ME3: variants seen among roughly 807,000 people sequenced by gnomAD.
ME3 encodes malic enzyme 3.
In ME3, 48 loss-of-function variants were observed where a neutral mutation model predicts 68.9. That is an observed-to-expected ratio of 0.70 (90% confidence interval 0.55 to 0.89). The LOEUF (loss-of-function observed/expected upper bound fraction) is 0.89. Among genes scored for constraint, ME3 ranks in the 40% least tolerant of loss-of-function variants. The probability of loss-of-function intolerance (pLI) is 0.00; values close to 1 mark genes in which losing one functional copy is unlikely to be tolerated. For missense variants in ME3, 675 were observed against 797.4 expected, an observed-to-expected ratio of 0.85 and a Z score of 1.85; for synonymous variants, 320 against 318.8, an observed-to-expected ratio of 1.00 and a Z score of -0.04.
Position 86,615,814 on chromosome 11 carries a change from C to G in ME3, c.183+55948G>C, listed in dbSNP as rs147515477. 6.4e-3 allele frequency among the ~76,000 whole-genome samples: 979 copies of G among 152,228 alleles called. 10 individuals are homozygous for G. Among genetic ancestry groups the G allele is most frequent in the Middle Eastern group, 0.031 (9 of 294 alleles). ...TGAAACCTAAGTCATGGCTCTTGCT[C>G]TCAAGGATTTTCTTGCATAACAACT... On this transcript the variant is annotated intron_variant, in intron 2 of 14. Coordinates refer to ENST00000543262, the Ensembl canonical transcript of ME3.
intron 2 of ME3, among the ~76,000 whole-genome samples, chr11:86,629,312 G>T (rs1282814041): frequency 1.3e-5 from 2 of 152,130 alleles, no homozygotes; most frequent in African/African-American, 2.4e-5. Flanking sequence ...AACACATTTC[G>T]AGAGAAAGAT....
At chr11:86,539,594 CT>C (rs934593677) in intron 4 of ME3, among the ~76,000 whole-genome samples, 17 of 152,262 alleles carry the variant, frequency 1.1e-4, no homozygotes, top group African/African-American at 3.9e-4. Context: ...TCTGTATGCT[CT>C]TTCTCTGGTA....
intron 4 of ME3, among the ~76,000 whole-genome samples, chr11:86,528,908 A>G (rs1321442669): frequency 6.6e-6 from 1 of 152,240 alleles, no homozygotes; most frequent in Non-Finnish European, 1.5e-5. Flanking sequence ...AAAGCAGGAA[A>G]GATCTAAGAT....
intron 2 of ME3, among the ~76,000 whole-genome samples, chr11:86,562,488 C>T (rs911016575): frequency 2.6e-5 from 4 of 152,064 alleles, no homozygotes; most frequent in Admixed American, 6.6e-5. Context: ...GTGGCTGTAC[C>T]ATTTTGCATC....
intron 2 of ME3, among the ~76,000 whole-genome samples, chr11:86,609,012 T>A (rs1942363055): frequency 2.6e-5 from 4 of 152,240 alleles, no homozygotes; most frequent in Admixed American, 2.6e-4. Context: ...TACTGGCATT[T>A]TTCTCATGTA....
chr11:86,464,486 G>T (rs1330615685), intron 8 of ME3, among the ~76,000 whole-genome samples: 1 of 152,162 alleles, frequency 6.6e-6, no homozygotes, highest in Non-Finnish European at 1.5e-5. Context: ...GAAGGCTCTG[G>T]GTTCTTGGTG....
intron 4 of ME3, among the ~76,000 whole-genome samples, chr11:86,538,572 C>T (rs1259781475): frequency 2.0e-5 from 3 of 152,130 alleles, no homozygotes; most frequent in Non-Finnish European, 4.4e-5. Flanking sequence ...CCTTCACATC[C>T]AGCTCACCCT....
chr11:86,561,214 T>C (rs535068118), intron 2 of ME3, among the ~76,000 whole-genome samples: 1 of 152,070 alleles, frequency 6.6e-6, no homozygotes, highest in Non-Finnish European at 1.5e-5. Flanking sequence ...GGTTGTTTTT[T>C]TGTTTTTGTT....
chr11:86,586,832 T>A (rs1347706562), intron 2 of ME3, among the ~76,000 whole-genome samples: 1 of 152,082 alleles, frequency 6.6e-6, no homozygotes, highest in East Asian at 1.9e-4. Flanking sequence ...AACCTCCATA[T>A]GAGAGGGGTT....
At chr11:86,507,324 C>T (rs969074075) in intron 5 of ME3, among the ~76,000 whole-genome samples, 9 of 152,272 alleles carry the variant, frequency 5.9e-5, no homozygotes, top group Admixed American at 4.6e-4. Context: ...ACTTTGAGCT[C>T]CTCAAATATG....
chr11:86,655,865 T>C (rs1420026255), intron 2 of ME3, among the ~76,000 whole-genome samples: 2 of 151,978 alleles, frequency 1.3e-5, no homozygotes, highest in Non-Finnish European at 2.9e-5. Flanking sequence ...AAAGGGCTAA[T>C]ATCCGGAATC....
chr11:86,638,483 T>A (rs1228395394), intron 2 of ME3, among the ~76,000 whole-genome samples: 3 of 152,192 alleles, frequency 2.0e-5, no homozygotes, highest in Non-Finnish European at 4.4e-5. Context: ...ACTTAATGTG[T>A]CTTTGTTAAA....
chr11:86,506,806 C>G (rs1168677695), intron 5 of ME3, among the ~76,000 whole-genome samples: 1 of 152,170 alleles, frequency 6.6e-6, no homozygotes, highest in Admixed American at 6.5e-5. Flanking sequence ...TTACAGGACC[C>G]CAGCAGCATA....
intron 4 of ME3, among the ~76,000 whole-genome samples, chr11:86,552,582 A>G (rs961095200): frequency 3.3e-5 from 5 of 152,100 alleles, no homozygotes; most frequent in African/African-American, 1.2e-4. Context: ...GTTTCCTCCT[A>G]GTAATTATCC....
intron 7 of ME3, among the ~76,000 whole-genome samples, chr11:86,478,699 G>A (rs182861225): frequency 3.7e-4 from 56 of 152,300 alleles, no homozygotes; most frequent in Non-Finnish European, 6.0e-4. Flanking sequence ...ATAAAATATT[G>A]AGCAGAAACC....
intron 2 of ME3, among the ~76,000 whole-genome samples, chr11:86,590,094 G>A (rs994214487): frequency 2.6e-5 from 4 of 152,158 alleles, no homozygotes; most frequent in African/African-American, 7.2e-5. Flanking sequence ...GGACTAAAGC[G>A]TTGCCACAGA....
chr11:86,608,089 G>T (rs1465490712), intron 2 of ME3, among the ~76,000 whole-genome samples: 1 of 152,118 alleles, frequency 6.6e-6, no homozygotes, highest in Admixed American at 6.6e-5. Context: ...TTAATATAAG[G>T]TTACAATGCA....
At chr11:86,661,192 C>A (rs2135489083) in intron 2 of ME3, among the ~76,000 whole-genome samples, 2 of 152,248 alleles carry the variant, frequency 1.3e-5, no homozygotes, top group South Asian at 4.2e-4. Flanking sequence ...ACACTAAGGC[C>A]AAATGTGGAA....
chr11:86,438,555 C>A (rs942200902), downstream of ME3, among the ~76,000 whole-genome samples: 11 of 152,082 alleles, frequency 7.2e-5, no homozygotes, highest in Non-Finnish European at 1.6e-4. Flanking sequence ...GGTGTTATTA[C>A]TTAAGTATTT....
Sources: gnomAD v4.1 joint callset for allele counts (sites outside exome capture counted in the v4.1 genomes callset) on GRCh38, gnomAD v4.1.1 for gene constraint, MANE v1.5 for transcripts, NCBI Gene and HGNC (gene_info 2026-07-23, HGNC 2026-07-21) for gene names.